Variants in CHRM3 observed in about 807,000 individuals in gnomAD.
The protein encoded by CHRM3 is muscarinic acetylcholine receptor M3.
In CHRM3, 11 loss-of-function variants were observed where a neutral mutation model predicts 41.8. The ratio of observed to expected loss-of-function variants is 0.26; its 90% confidence interval spans 0.17 to 0.44. CHRM3 has a LOEUF of 0.44. Among genes scored for constraint, CHRM3 ranks in the 20% least tolerant of loss-of-function variants. CHRM3 has a pLI of 1.00. For synonymous variants in CHRM3, 297 were observed against 301.4 expected, an observed-to-expected ratio of 0.99 and a Z score of 0.15; for missense variants, 571 against 745.4, an observed-to-expected ratio of 0.77 and a Z score of 2.72.
At chr1:239,543,140 G>C (rs1370873886) in intron 2 of CHRM3, among the ~76,000 whole-genome samples, 1 of 152,156 alleles carries the variant, frequency 6.6e-6, no homozygotes. Flanking sequence ...CTTTAGGGAG[G>C]GAGACAGAGC....
intron 3 of CHRM3, among the ~76,000 whole-genome samples, chr1:239,566,409 G>A (rs1212136482): frequency 6.6e-6 from 1 of 152,146 alleles, no homozygotes; most frequent in Non-Finnish European, 1.5e-5. Context: ...ATAGGAGGTA[G>A]CAAAGGCATA....
At chr1:239,868,069 C>T (rs1161100424) in intron 6 of CHRM3, among the ~76,000 whole-genome samples, 4 of 152,210 alleles carry the variant, frequency 2.6e-5, no homozygotes, top group Admixed American at 1.3e-4. Flanking sequence ...CAGCACCAAA[C>T]ACTTAATTAT....
rs113991226 is a variant in CHRM3, at chr1:239,908,534, G to C, written c.1083G>C (p.Thr361=). ...SSDEEDIGSE[T]RAIYSIVLKL... Reference sequence around the variant, plus strand: ...ACGAGGAGGACATTGGCTCCGAGACGAGAGCCATCTACTCCATCGTGCTCA... The same window carrying C: ...ACGAGGAGGACATTGGCTCCGAGACCAGAGCCATCTACTCCATCGTGCTCA... Residue 361 remains threonine, a synonymous_variant, in exon 7 of 7, where the codon ACG becomes ACC. Transcript: ENST00000676153. This position sits in a 1 kb window ranked among gnomAD's most constrained non-coding sequence, Gnocchi z 7.2. 3 of 1,588,818 alleles carry C rather than the reference G, an allele frequency of 1.9e-6. No homozygotes were observed. Among genetic ancestry groups the C allele is most frequent in the Admixed American group, 1.8e-5 (1 of 56,934 alleles).
intron 5 of CHRM3, chr1:239,719,612 G>A (rs1662734625): frequency 6.6e-6 from 1 of 151,924 alleles, no homozygotes; most frequent in African/African-American, 2.4e-5. Flanking sequence ...TCTGGGGAAT[G>A]TCTTTTGATT....
intron 6 of CHRM3, among the ~76,000 whole-genome samples, chr1:239,864,250 T>C (rs1324392774): frequency 1.3e-5 from 2 of 152,140 alleles, no homozygotes; most frequent in Non-Finnish European, 2.9e-5. Context: ...CTCATGCCTG[T>C]AATCCCAGCA....
intron 1 of CHRM3, among the ~76,000 whole-genome samples, chr1:239,391,280 T>C (rs767680018): frequency 6.6e-6 from 1 of 152,236 alleles, no homozygotes; most frequent in Non-Finnish European, 1.5e-5. Context: ...AGTTGCCCTG[T>C]CCATACCATG....
At chr1:239,713,075 A>G (rs1661976939) in intron 5 of CHRM3, among the ~76,000 whole-genome samples, 2 of 152,264 alleles carry the variant, frequency 1.3e-5, no homozygotes, top group Admixed American at 6.5e-5. Context: ...CCCGGGCACA[A>G]TCTGCTTCTG....
At chr1:239,548,552 C>T (rs1572675674) in intron 3 of CHRM3, among the ~76,000 whole-genome samples, 1 of 152,208 alleles carries the variant, frequency 6.6e-6, no homozygotes. Flanking sequence ...GCAATAGCTT[C>T]TTCAGCCTTT....
intron 1 of CHRM3, among the ~76,000 whole-genome samples, chr1:239,449,733 G>GGTGTGTGT (rs149312544): frequency 1.1e-4 from 16 of 143,736 alleles, no homozygotes; most frequent in Admixed American, 8.2e-4. Context: ...GTCACATTCT[G>GGTGTGTGT]GTGTGTGTGT....
chr1:239,713,626 C>G (rs1662037287), intron 5 of CHRM3, among the ~76,000 whole-genome samples: 1 of 152,160 alleles, frequency 6.6e-6, no homozygotes, highest in Admixed American at 6.5e-5. Flanking sequence ...CTTAGTTATT[C>G]TATAGCTCCC....
chr1:239,642,053 G>A lies in CHRM3; in HGVS notation c.-250+9767G>A, dbSNP rs1374585274. Among the ~76,000 whole-genome samples, 2 of 127,232 alleles carry A rather than the reference G, an allele frequency of 1.6e-5. 1 individual carries two copies. The highest frequency in any genetic ancestry group is 6.3e-5 in the African/African-American group (2 of 31,576). 83.5% of individuals were successfully genotyped at this position (127,232 alleles called of 152,430 possible). On this transcript the variant is annotated intron_variant, in intron 4 of 6. Transcript: ENST00000676153. ...TTAGTTTGGCTGGATATGAAATTCT[G>A]GGTTGAAAATTCTTTTCTTTAAGAA...
chr1:239,642,604 C>T (rs1170514691), intron 4 of CHRM3, among the ~76,000 whole-genome samples: 10 of 152,302 alleles, frequency 6.6e-5, no homozygotes, highest in East Asian at 1.9e-4. Flanking sequence ...CGAGCCTTGG[C>T]TTTCAGCTCC....
At chr1:239,613,988 T>C (rs1338916) in intron 3 of CHRM3, among the ~76,000 whole-genome samples, 61,118 of 151,728 alleles carry the variant, frequency 0.4, 13,947 homozygotes, top group African/African-American at 0.63. Context: ...AATACCCCTC[T>C]CTACAAAAAA....
chr1:239,602,593 T>A (rs2148698609), intron 3 of CHRM3, among the ~76,000 whole-genome samples: 1 of 152,288 alleles, frequency 6.6e-6, no homozygotes, highest in African/African-American at 2.4e-5. Flanking sequence ...CTGTTGGAAG[T>A]TGTTCCTATG....
chr1:239,866,981 A>T (rs1265604311), intron 6 of CHRM3, among the ~76,000 whole-genome samples: 2 of 152,212 alleles, frequency 1.3e-5, no homozygotes, highest in African/African-American at 4.8e-5. Flanking sequence ...CTTAACAGCC[A>T]GGCTAGTGCG....
chr1:239,419,070 G>A (rs1399604126), intron 1 of CHRM3, among the ~76,000 whole-genome samples: 1 of 152,160 alleles, frequency 6.6e-6, no homozygotes, highest in Admixed American at 6.5e-5. Flanking sequence ...AGTAAGGAAA[G>A]GGACAGATCC....
intron 2 of CHRM3, among the ~76,000 whole-genome samples, chr1:239,515,746 A>G (rs571970038): frequency 7.2e-5 from 11 of 152,322 alleles, no homozygotes; most frequent in African/African-American, 2.6e-4. Flanking sequence ...AAACTCTGCC[A>G]TCATTTGGCC....
intron 4 of CHRM3, among the ~76,000 whole-genome samples, chr1:239,639,782 CA>C (rs1306837937): frequency 1.7e-4 from 26 of 149,554 alleles, no homozygotes; most frequent in Non-Finnish European, 3.5e-4. Flanking sequence ...TTGCCCTGGC[CA>C]GAACTTCCAA....
At chr1:239,521,912 G>A (rs1361862740) in intron 2 of CHRM3, among the ~76,000 whole-genome samples, 1 of 152,174 alleles carries the variant, frequency 6.6e-6, no homozygotes, top group Non-Finnish European at 1.5e-5. Context: ...TAGGGTATAT[G>A]CAAATTCTAT....
Sources: allele counts gnomAD v4.1 joint callset (sites outside exome capture counted in the v4.1 genomes callset), GRCh38; gene constraint gnomAD v4.1.1; non-coding constraint Gnocchi (gnomAD v3.1); transcripts MANE v1.5; gene names NCBI Gene and HGNC (gene_info 2026-07-23, HGNC 2026-07-21).